HELZ: variants seen among roughly 807,000 people sequenced by gnomAD.
HELZ encodes helicase with zinc finger, also known as ATP-dependent RNA helicase with zinc finger domain.
Under a neutral mutation model 218.2 loss-of-function variants are expected in HELZ, and 23 were observed. The observed-to-expected ratio is 0.11, with a 90% CI of 0.08 to 0.15. The LOEUF is 0.15. Among genes scored for constraint, HELZ ranks in the 10% least tolerant of loss-of-function variants. HELZ has a pLI of 1.00. For missense variants in HELZ, 1,813 were observed against 2,353.7 expected, an observed-to-expected ratio of 0.77 and a Z score of 4.75; for synonymous variants, 814 against 829.4, an observed-to-expected ratio of 0.98 and a Z score of 0.32.
intron 7 of HELZ, among the ~76,000 whole-genome samples, chr17:67,196,573 G>A (rs1192039050): frequency 1.6e-5 from 2 of 124,970 alleles, no homozygotes; most frequent in Non-Finnish European, 3.1e-5. Flanking sequence ...TGGTTAGTTG[G>A]ATGGATGGAT....
chr17:67,147,246 T>G (rs2038526444), intron 20 of HELZ, among the ~76,000 whole-genome samples: 1 of 152,208 alleles, frequency 6.6e-6, no homozygotes, highest in Non-Finnish European at 1.5e-5. Flanking sequence ...ATTGCCCCTG[T>G]GGTGTTATTT....
At chr17:67,190,737 G>C (rs1170903666) in intron 9 of HELZ, among the ~76,000 whole-genome samples, 1 of 152,182 alleles carries the variant, frequency 6.6e-6, no homozygotes, top group African/African-American at 2.4e-5. Context: ...TTGAGACGGA[G>C]TCTCACTCCG....
chr17:67,137,126 G>C (rs554191186), intron 22 of HELZ, among the ~76,000 whole-genome samples: 2 of 152,072 alleles, frequency 1.3e-5, no homozygotes, highest in South Asian at 4.1e-4. Flanking sequence ...AGAAAGTCTA[G>C]GTGTATATCA....
rs1231606522 is a variant in HELZ, at chr17:67,075,973, C to A, written c.*2279G>T. The stretch of plus-strand genomic sequence containing the variant: ...TATATAAGGTGATGGGGTGCATACA[C>A]GACCCCATGACCCTTAACTAAATAT... On this transcript the variant is annotated 3_prime_UTR_variant, in exon 33 of 33. Coordinates refer to ENST00000358691, the MANE Select transcript of HELZ (RefSeq NM_014877.4). The A allele has an allele frequency of 6.6e-6, 1 of 152,500 alleles. No individual in the cohort carries two copies. The highest frequency in any genetic ancestry group is 1.9e-4 in the East Asian group (1 of 5,196). The allele number at this position is 152,500 out of a possible 1,614,324, so 9.4% of individuals were successfully genotyped here.
intron 15 of HELZ, 82 bp from the exon 16 acceptor site, chr17:67,161,158 T>C: frequency 2.7e-6 from 3 of 1,097,878 alleles, no homozygotes; most frequent in Non-Finnish European, 2.6e-6. Context: ...TGAATTTCAG[T>C]GAACCATTAA....
At chr17:67,245,443 GC>G (rs1329796955), upstream of HELZ, 15 of 980,604 alleles carry the variant, frequency 1.5e-5, no homozygotes, top group Non-Finnish European at 1.8e-5. Flanking sequence ...CGGCCTCCCT[GC>G]CCCCACGCCC....
chr17:67,195,838 CTTTTTTTTTTTTTCT>C (rs1319550756), intron 7 of HELZ, among the ~76,000 whole-genome samples: 1 of 101,560 alleles, frequency 9.8e-6, no homozygotes, highest in East Asian at 3.3e-4. Context: ...GTTTCTTTTC[CTTTTTTTTTTTTTCT>C]TTTTTTTTTT....
At chr17:67,087,117 C>T (rs763660964) in intron 31 of HELZ, 36 bp from the exon 32 acceptor site, 1 of 1,603,906 alleles carries the variant, frequency 6.2e-7, no homozygotes, top group South Asian at 1.1e-5. Context: ...TAAATCAGTG[C>T]ACCTTGTGCC....
In HELZ at chr17:67,108,855, T is replaced by A; in HGVS notation, c.4490-129A>T. On this transcript the variant is annotated intron_variant, in intron 29 of 32. Coordinates refer to ENST00000358691, the MANE Select transcript of HELZ (RefSeq NM_014877.4). The surrounding 1 kb of genome is among the most constrained non-coding windows in gnomAD (Gnocchi z 4.1). ...CTACAAATTTGGTTTTGGTAAGAAGTAAATGTTTTCTAAATTTGCCAGAAA... is the reference window on the plus strand; with the variant it reads ...CTACAAATTTGGTTTTGGTAAGAAGAAAATGTTTTCTAAATTTGCCAGAAA... 2 of 762,874 alleles carry A rather than the reference T, an allele frequency of 2.6e-6. No homozygotes were observed. The highest frequency in any genetic ancestry group is 4.1e-6 in the Non-Finnish European group (2 of 487,712). The allele number at this position is 762,874 out of a possible 1,614,324, so 47.3% of individuals were successfully genotyped here.
chr17:67,226,057 C>A lies in HELZ; in HGVS notation c.-18-7235G>T, dbSNP rs2040881158. On this transcript the variant is annotated intron_variant, in intron 3 of 32. Transcript: ENST00000358691. ...CGAGTGAATCACAAGGTCAAGCGATCAAGACCATCCTGGCCAACATGGTGA... is the reference window on the plus strand; with the variant it reads ...CGAGTGAATCACAAGGTCAAGCGATAAAGACCATCCTGGCCAACATGGTGA... Among the ~76,000 whole-genome samples the A allele has an allele frequency of 3.3e-5, 5 of 151,952 alleles. No individual in the cohort carries two copies. In the South Asian group the frequency reaches 8.3e-4, roughly 25 times the overall value.
Position 67,078,404 on chromosome 17 carries a change from C to A in HELZ, c.5677G>T (p.Ala1893Ser). The A allele has an allele frequency of 1.2e-6, 2 of 1,600,958 alleles. No homozygotes were observed. Among genetic ancestry groups the A allele is most frequent in the South Asian group, 1.1e-5 (1 of 88,804 alleles). ...CGCAGAGCGCTGGCATAGGACATGGCGGGCTTGCCCCCCGCAGAGCTCTGG... is the reference window on the plus strand; with the variant it reads ...CGCAGAGCGCTGGCATAGGACATGGAGGGCTTGCCCCCCGCAGAGCTCTGG... Reference protein sequence around the residue: ...SPQSSAGGKPAMSYASALRAP... With the variant: ...SPQSSAGGKPSMSYASALRAP... Residue 1893 changes from alanine (A) to serine (S), a missense_variant, in exon 33 of 33, where the codon GCC becomes TCC. Around this residue, in one of 4 missense-constraint regions of HELZ, gnomAD observed 938 missense variants for 1,027.5 expected, o/e 0.91. Transcript: ENST00000358691.
chr17:67,193,314 C>T (rs565724893), intron 9 of HELZ, among the ~76,000 whole-genome samples: 4 of 147,038 alleles, frequency 2.7e-5, no homozygotes, highest in Admixed American at 2.0e-4. Context: ...CACTGCACTC[C>T]CAACTGGGCA....
At chr17:67,225,759 C>T (rs536760358) in intron 3 of HELZ, among the ~76,000 whole-genome samples, 88 of 152,304 alleles carry the variant, frequency 5.8e-4, no homozygotes, top group Non-Finnish European at 1.0e-3. Flanking sequence ...CCCTAACTTA[C>T]TTTTTGCCAC....
At chr17:67,114,510 C>A in intron 27 of HELZ, 107 bp from the exon 28 acceptor site, 1 of 711,198 alleles carries the variant, frequency 1.4e-6, no homozygotes, top group Non-Finnish European at 2.5e-6. Context: ...ACACTTTTCA[C>A]CCATTATGAT....
At chr17:67,193,427 G>C (rs963533198) in intron 9 of HELZ, among the ~76,000 whole-genome samples, 1 of 150,406 alleles carries the variant, frequency 6.6e-6, no homozygotes, top group East Asian at 2.0e-4. Context: ...TATTATAAAA[G>C]ACTACTGAGG....
At chr17:67,165,158 A>G (rs2039104603) in intron 15 of HELZ, among the ~76,000 whole-genome samples, 2 of 152,226 alleles carry the variant, frequency 1.3e-5, no homozygotes, top group African/African-American at 4.8e-5. Flanking sequence ...AGAGTGAATA[A>G]GAAAGAATAC....
Position 67,077,933 on chromosome 17 carries a change from CT to C in HELZ, c.*318del, listed in dbSNP as rs573432295. The C allele has an allele frequency of 0.019, 2,451 of 129,430 alleles. 12 individuals carry two copies. The highest frequency in any genetic ancestry group is 0.036 in the South Asian group (141 of 3,964). 8.0% of individuals were successfully genotyped at this position (129,430 alleles called of 1,614,324 possible). On this transcript the variant is annotated 3_prime_UTR_variant, in exon 33 of 33. Coordinates refer to ENST00000358691, the MANE Select transcript of HELZ (RefSeq NM_014877.4). ...TTAAATACATTTTAGACAAACTTTT[CT>C]TTTTTTTTTTTTTTTTATAGTTGCA...
intron 5 of HELZ, among the ~76,000 whole-genome samples, chr17:67,211,607 T>C (rs1471356269): frequency 6.6e-6 from 1 of 152,186 alleles, no homozygotes; most frequent in Non-Finnish European, 1.5e-5. Flanking sequence ...ACGCCTATAA[T>C]CCCAGCACTT....
chr17:67,189,702 AACAG>A lies in HELZ; in HGVS notation c.757-10_757-7del, dbSNP rs745957645. On this transcript the variant is annotated splice_polypyrimidine_tract_variant and splice_region_variant and intron_variant, in intron 10 of 32. Coordinates refer to ENST00000358691, the MANE Select transcript of HELZ (RefSeq NM_014877.4). ...CCTTCTATACATTCACTAAGCTGAA[AACAG>A]ACAGCAATTTATGTTATGTTTTTAT... The A allele has an allele frequency of 1.1e-4, 163 of 1,541,816 alleles. No homozygotes were observed. Among genetic ancestry groups the A allele is most frequent in the Non-Finnish European group, 1.4e-4 (155 of 1,115,294 alleles).
Sources: allele counts gnomAD v4.1 joint callset (sites outside exome capture counted in the v4.1 genomes callset), GRCh38; gene constraint gnomAD v4.1.1; regional missense constraint gnomAD v4.1.1; non-coding constraint Gnocchi (gnomAD v3.1); transcripts MANE v1.5; gene names NCBI Gene and HGNC (gene_info 2026-07-23, HGNC 2026-07-21).